RSU1: variants seen among roughly 807,000 people sequenced by gnomAD.
RSU1 encodes the protein rsu-1.
In RSU1, 26 loss-of-function variants were observed where a neutral mutation model predicts 31.1. That is an observed-to-expected ratio of 0.84 (90% CI 0.61 to 1.16). The LOEUF (loss-of-function observed/expected upper bound fraction) is 1.16. Ranked by LOEUF, RSU1 falls within the 50% of genes most tolerant of loss-of-function variation. The probability of loss-of-function intolerance (pLI) is 0.00; values close to 1 mark genes in which losing one functional copy is unlikely to be tolerated. For missense variants in RSU1, 320 were observed against 339.1 expected, an observed-to-expected ratio of 0.94 and a Z score of 0.44; for synonymous variants, 164 against 136.3, an observed-to-expected ratio of 1.20 and a Z score of -1.41.
rs1489333688 is a variant in RSU1, at chr10:16,737,759, A to G, written c.598+14780T>C. On this transcript the variant is annotated intron_variant, in intron 7 of 8. Transcript: ENST00000345264. ...TTATTTAAGAAAACTAACTTAAGGA[A>G]AAAAAAAAACAATATTACTGGGAGT... 4.1e-3 allele frequency among the ~76,000 whole-genome samples: 432 copies of G among 106,154 alleles called. 2 individuals carry two copies. In the East Asian group the frequency reaches 0.055, roughly 14 times the overall value. 69.6% of individuals were successfully genotyped at this position (106,154 alleles called of 152,430 possible). A position where few individuals can be genotyped will look rare whatever the true frequency, so the allele number is the denominator to read the frequency against.
intron 3 of RSU1, among the ~76,000 whole-genome samples, chr10:16,765,078 T>C (rs1433466409): frequency 6.6e-6 from 1 of 152,182 alleles, no homozygotes; most frequent in Admixed American, 6.5e-5. Flanking sequence ...TATATACTTA[T>C]GGTTGTCATA....
chr10:16,674,708 T>C (rs1208535625), intron 8 of RSU1, among the ~76,000 whole-genome samples: 5 of 152,102 alleles, frequency 3.3e-5, no homozygotes, highest in Admixed American at 3.3e-4. Context: ...GAAACTTGAA[T>C]GAGATAAGAC....
At chr10:16,707,529 A>G (rs1357428805) in intron 7 of RSU1, among the ~76,000 whole-genome samples, 1 of 148,744 alleles carries the variant, frequency 6.7e-6, no homozygotes, top group African/African-American at 2.5e-5. Flanking sequence ...TCTGCTTTGG[A>G]CACATGTCTA....
chr10:16,653,210 A>G (rs1053675810), intron 8 of RSU1, among the ~76,000 whole-genome samples: 9 of 152,206 alleles, frequency 5.9e-5, no homozygotes, highest in Non-Finnish European at 1.3e-4. Flanking sequence ...TATGTTACCT[A>G]CTTTTAATAA....
At chr10:16,679,664 G>C (rs1000423779) in intron 8 of RSU1, among the ~76,000 whole-genome samples, 6 of 152,288 alleles carry the variant, frequency 3.9e-5, no homozygotes, top group Admixed American at 3.9e-4. Context: ...AAAGCAGGTT[G>C]TATCTCTGCT....
At chr10:16,611,856 T>C (rs1833896089) in intron 8 of RSU1, among the ~76,000 whole-genome samples, 1 of 152,254 alleles carries the variant, frequency 6.6e-6, no homozygotes, top group Non-Finnish European at 1.5e-5. Context: ...TGAATCTCTC[T>C]TTATGTTCAG....
chr10:16,815,754 G>A (rs1838515063), intron 2 of RSU1, among the ~76,000 whole-genome samples: 2 of 152,334 alleles, frequency 1.3e-5, no homozygotes, highest in African/African-American at 4.8e-5. Context: ...TCACAGAGGA[G>A]GGAAGGGATA....
chr10:16,695,192 TCCAA>T, intron 7 of RSU1, 37 bp from the exon 8 acceptor site: 1 of 1,571,854 alleles, frequency 6.4e-7, no homozygotes. Context: ...GGTCACTTCA[TCCAA>T]TACAGATCAG....
At chr10:16,805,495 C>T (rs1466271030) in intron 2 of RSU1, among the ~76,000 whole-genome samples, 6 of 151,558 alleles carry the variant, frequency 4.0e-5, no homozygotes, top group Non-Finnish European at 8.8e-5. Flanking sequence ...CACGGTGAAA[C>T]CCTGTCTCTA....
intron 8 of RSU1, among the ~76,000 whole-genome samples, chr10:16,651,023 T>C (rs1834676486): frequency 3.3e-5 from 5 of 152,252 alleles, no homozygotes; most frequent in Admixed American, 1.3e-4. Flanking sequence ...TTTGATTTAC[T>C]TGAATCATCT....
chr10:16,675,307 G>A (rs1012770365), intron 8 of RSU1, among the ~76,000 whole-genome samples: 1 of 151,992 alleles, frequency 6.6e-6, no homozygotes, highest in African/African-American at 2.4e-5. Context: ...AAAAGGTTTT[G>A]TAGTTATGTC....
At position 16,641,491 on chromosome 10, in the gene RSU1, C is replaced by CA. The variant is rs59893762; in HGVS notation, c.732-47996dup. ...TGGGCAACAGGGTGAGACTTTATCTCAAAAAAAAAAAAAAAAATTAAAAAG... is the reference window on the plus strand; with the variant it reads ...TGGGCAACAGGGTGAGACTTTATCTCAAAAAAAAAAAAAAAAAATTAAAAAG... On this transcript the variant is annotated intron_variant, in intron 8 of 8. Coordinates refer to ENST00000345264, the MANE Select transcript of RSU1 (RefSeq NM_012425.4). Among the ~76,000 whole-genome samples, 641 of 114,336 alleles carry CA rather than the reference C, an allele frequency of 5.6e-3. 1 individual carries two copies. The highest frequency in any genetic ancestry group is 0.013 in the East Asian group (48 of 3,758). 75.0% of individuals were successfully genotyped at this position (114,336 alleles called of 152,430 possible).
intron 8 of RSU1, among the ~76,000 whole-genome samples, chr10:16,671,136 C>T (rs1419950784): frequency 6.6e-6 from 1 of 152,154 alleles, no homozygotes; most frequent in Non-Finnish European, 1.5e-5. Context: ...ACACCTACTC[C>T]TATGTTCATC....
rs539622642 is a variant in RSU1 at position 16,610,973 on chromosome 10, A to G, written c.732-17477T>C. On this transcript the variant is annotated intron_variant, in intron 8 of 8. Transcript: ENST00000345264. ...TGGAAAGGTTTTTAAGCCAAAATGAATAACTCCTGAAGCCCGTAAATGCTA... is the reference window on the plus strand; with the variant it reads ...TGGAAAGGTTTTTAAGCCAAAATGAGTAACTCCTGAAGCCCGTAAATGCTA... Among the ~76,000 whole-genome samples the G allele has an allele frequency of 1.7e-4, 26 of 152,312 alleles. 1 individual carries two copies. Among genetic ancestry groups the G allele is most frequent in the Admixed American group, 1.5e-3 (23 of 15,302 alleles).
intron 8 of RSU1, among the ~76,000 whole-genome samples, chr10:16,693,871 T>A (rs1435919413): frequency 1.3e-5 from 2 of 151,912 alleles, no homozygotes; most frequent in South Asian, 4.2e-4. Flanking sequence ...TTAAAAAAAA[T>A]TAATTAATTA....
At chr10:16,726,971 T>C in intron 7 of RSU1, 1 of 437,624 alleles carries the variant, frequency 2.3e-6, no homozygotes, top group Non-Finnish European at 4.6e-6. Context: ...TGACTAAACT[T>C]GTTTTCTCAT....
chr10:16,770,999 T>C (rs1334621170), intron 3 of RSU1, among the ~76,000 whole-genome samples: 1 of 151,106 alleles, frequency 6.6e-6, no homozygotes, highest in Non-Finnish European at 1.5e-5. Context: ...TTGTCTGTTG[T>C]CATAACAAAT....
intron 7 of RSU1, among the ~76,000 whole-genome samples, chr10:16,720,290 C>A (rs1249009537): frequency 6.6e-6 from 1 of 152,128 alleles, no homozygotes; most frequent in Admixed American, 6.5e-5. Context: ...GAGTTTATTA[C>A]ATAAAATATT....
chr10:16,612,940 C>G (rs1833917887), intron 8 of RSU1, among the ~76,000 whole-genome samples: 1 of 151,850 alleles, frequency 6.6e-6, no homozygotes, highest in African/African-American at 2.4e-5. Flanking sequence ...ATTTTCCTCT[C>G]TATTTATCTT....
Sources: gnomAD v4.1 joint callset for allele counts (sites outside exome capture counted in the v4.1 genomes callset) on GRCh38, gnomAD v4.1.1 for gene constraint, MANE v1.5 for transcripts, NCBI Gene and HGNC (gene_info 2026-07-23, HGNC 2026-07-21) for gene names.